AOX1: variants seen among roughly 807,000 people sequenced by gnomAD.
AOX1 encodes the protein aldehyde oxidase 1, also known as aldehyde oxidase.
Under a neutral mutation model 169.5 loss-of-function variants are expected in AOX1, and 153 were observed. That is an observed-to-expected ratio of 0.90 (90% CI 0.79 to 1.03). AOX1 has a LOEUF of 1.03. Among genes scored for constraint, AOX1 ranks in the 50% least tolerant of loss-of-function variants. AOX1 has a pLI of 0.00. For synonymous variants in AOX1, 562 were observed against 581.9 expected (o/e 0.97, Z 0.49); for missense variants, 1,656 against 1,663.9 (o/e 1.00, Z 0.08).
chr2:200,642,482 G>T, intron 24 of AOX1, 128 bp from the exon 25 acceptor site: 1 of 617,598 alleles, frequency 1.6e-6, no homozygotes, highest in East Asian at 3.2e-5. Flanking sequence ...TGGGGGCATG[G>T]GAATATTTTA....
intron 5 of AOX1, among the ~76,000 whole-genome samples, chr2:200,600,477 G>GA (rs534273000): frequency 1.1e-4 from 5 of 47,052 alleles, no homozygotes; most frequent in Non-Finnish European, 1.3e-4. Flanking sequence ...GTATGTGGCG[G>GA]GGGGGGACAT....
At chr2:200,649,174 C>T (rs982156067) in intron 25 of AOX1, among the ~76,000 whole-genome samples, 5 of 152,030 alleles carry the variant, frequency 3.3e-5, no homozygotes, top group African/African-American at 1.2e-4. Flanking sequence ...AGTTTCACCC[C>T]CTACTTCTCT....
At chr2:200,674,539 G>A (rs141902525), downstream of AOX1, among the ~76,000 whole-genome samples, 2 of 152,346 alleles carry the variant, frequency 1.3e-5, no homozygotes, top group South Asian at 2.1e-4. Context: ...CCAGCAGGAA[G>A]CTCCCACTGT....
At chr2:200,668,867 T>G in intron 33 of AOX1, 64 bp downstream of exon 33, 1 of 1,386,466 alleles carries the variant, frequency 7.2e-7, no homozygotes, top group Non-Finnish European at 1.0e-6. Flanking sequence ...ACAGGAAGGC[T>G]ACATTCCTCT....
In AOX1 at chr2:200,641,316, A is replaced by C. The variant is rs569718326; in HGVS notation, c.2655+132A>C. 35 of 599,284 alleles carry C rather than the reference A, an allele frequency of 5.8e-5. 1 individual carries two copies. In the South Asian group the frequency reaches 8.1e-4, roughly 14 times the overall value. The allele number at this position is 599,284 out of a possible 1,614,324, so 37.1% of individuals were successfully genotyped here. A position where few individuals can be genotyped will look rare whatever the true frequency, so the allele number is the denominator to read the frequency against. Reference sequence around the variant, plus strand: ...AATGACCATCCTTGCAGGGATAGCCATGTGTTACTTCCTGGTGCCCAAAGT... The same window carrying C: ...AATGACCATCCTTGCAGGGATAGCCCTGTGTTACTTCCTGGTGCCCAAAGT... On this transcript the variant is annotated intron_variant, in intron 24 of 34. Coordinates refer to ENST00000374700, the MANE Select transcript of AOX1 (RefSeq NM_001159.4).
At chr2:200,659,684 A>G (rs1166442352) in intron 28 of AOX1, among the ~76,000 whole-genome samples, 1 of 152,124 alleles carries the variant, frequency 6.6e-6, no homozygotes, top group Non-Finnish European at 1.5e-5. Flanking sequence ...CACAAAATAA[A>G]TGTGGCCATG....
At chr2:200,598,177 T>C (rs1038417679) in intron 4 of AOX1, among the ~76,000 whole-genome samples, 1 of 150,988 alleles carries the variant, frequency 6.6e-6, no homozygotes. Flanking sequence ...AAAGAAAAGA[T>C]GAAGGAAGAA....
chr2:200,652,527 A>G (rs553398211), intron 26 of AOX1, among the ~76,000 whole-genome samples: 14 of 152,188 alleles, frequency 9.2e-5, no homozygotes, highest in Non-Finnish European at 1.9e-4. Flanking sequence ...TTTTGGGGTA[A>G]ACTGATTAGC....
intron 1 of AOX1, among the ~76,000 whole-genome samples, chr2:200,586,950 T>G (rs1364473805): frequency 6.6e-6 from 1 of 152,134 alleles, no homozygotes; most frequent in Non-Finnish European, 1.5e-5. Context: ...GACATTACTC[T>G]GAAGGAGGAA....
Position 200,612,759 on chromosome 2 carries a change from T to C in AOX1, c.1414T>C (p.Cys472Arg). 2.5e-6 allele frequency: 4 copies of C among 1,613,988 alleles called. No individual in the cohort carries two copies. Among genetic ancestry groups the C allele is most frequent in the Non-Finnish European group, 2.5e-6 (3 of 1,179,938 alleles). ...SYGGVGPATI[C>R]AKNSCQKLIG... Reference sequence around the variant, plus strand: ...TGGAGGCGTTGGTCCAGCCACCATCTGTGCCAAGAATTCCTGCCAGAAACT... The same window carrying C: ...TGGAGGCGTTGGTCCAGCCACCATCCGTGCCAAGAATTCCTGCCAGAAACT... Residue 472 changes from cysteine to arginine, a missense_variant, in exon 14 of 35, where the codon TGT (cysteine) becomes CGT (arginine). Coordinates refer to ENST00000374700, the MANE Select transcript of AOX1 (RefSeq NM_001159.4).
chr2:200,646,484 A>G (rs1398688664), intron 25 of AOX1, among the ~76,000 whole-genome samples: 4 of 152,078 alleles, frequency 2.6e-5, no homozygotes, highest in Non-Finnish European at 5.9e-5. Context: ...CTATCATATG[A>G]TCTATCTTGG....
At chr2:200,600,582 T>G (rs575740764) in intron 5 of AOX1, among the ~76,000 whole-genome samples, 37 of 152,258 alleles carry the variant, frequency 2.4e-4, no homozygotes, top group African/African-American at 8.9e-4. Context: ...TGTCTTTGTC[T>G]CAGGCCTCCC....
intron 16 of AOX1, among the ~76,000 whole-genome samples, chr2:200,617,550 T>A (rs1311669901): frequency 6.6e-6 from 1 of 151,968 alleles, no homozygotes; most frequent in African/African-American, 2.4e-5. Context: ...TTTTTGGAAT[T>A]TTTCCTCAGT....
At chr2:200,630,386 G>T (rs2035092721) in intron 20 of AOX1, among the ~76,000 whole-genome samples, 1 of 151,904 alleles carries the variant, frequency 6.6e-6, no homozygotes, top group African/African-American at 2.4e-5. Flanking sequence ...AGCCAGGTGT[G>T]GTGACAAACA....
At chr2:200,635,344 G>T (rs181833327) in intron 21 of AOX1, among the ~76,000 whole-genome samples, 80 of 152,282 alleles carry the variant, frequency 5.3e-4, no homozygotes, top group African/African-American at 1.8e-3. Flanking sequence ...GAACACAAGA[G>T]AAGAAAGAGG....
chr2:200,591,987 A>G (rs531737024), intron 1 of AOX1, among the ~76,000 whole-genome samples: 275 of 152,300 alleles, frequency 1.8e-3, no homozygotes, highest in Admixed American at 3.8e-3. Context: ...AAAAAAGTTG[A>G]AAATAGCTCA....
In AOX1 at chr2:200,641,126, T is replaced by C. The variant is rs779078162; in HGVS notation, c.2597T>C (p.Leu866Ser). The C allele has an allele frequency of 2.5e-6, 4 of 1,613,430 alleles. No individual in the cohort carries two copies. Among genetic ancestry groups the C allele is most frequent in the Non-Finnish European group, 8.5e-7 (1 of 1,179,540 alleles). ...KAGFMNDGRI[L>S]ALDMEHYSNA... The stretch of plus-strand genomic sequence containing the variant: ...GGATTCATGAACGATGGCAGAATCT[T>C]GGCCCTGGACATGGAGCATTACAGC... The change falls in exon 24 of 35, where the codon TTG (leucine) becomes TCG (serine). Residue 866 changes from leucine (L) to serine (S), a missense_variant. Leu to Ser is a moderately radical substitution (Grantham distance 145, BLOSUM62 -2). Coordinates refer to ENST00000374700, the MANE Select transcript of AOX1 (RefSeq NM_001159.4).
intron 19 of AOX1, 94 bp from the exon 20 acceptor site, chr2:200,627,259 A>G: frequency 1.3e-6 from 1 of 793,114 alleles, no homozygotes; most frequent in South Asian, 1.7e-5. Flanking sequence ...AGGGAGAAAC[A>G]ACCCCTGCTC....
chr2:200,670,420 A>G (rs1390646580), intron 34 of AOX1, among the ~76,000 whole-genome samples: 1 of 151,876 alleles, frequency 6.6e-6, no homozygotes, highest in Non-Finnish European at 1.5e-5. Flanking sequence ...TCCACTTTTC[A>G]CTGGGTGGTC....
Sources: allele counts gnomAD v4.1 joint callset (sites outside exome capture counted in the v4.1 genomes callset), GRCh38; gene constraint gnomAD v4.1.1; transcripts MANE v1.5; gene names NCBI Gene and HGNC (gene_info 2026-07-23, HGNC 2026-07-21).